DARS1: variants seen among roughly 807,000 people sequenced by gnomAD.
DARS1 encodes aspartate--tRNA ligase, cytoplasmic.
A neutral mutation model predicts 68.8 loss-of-function variants in DARS1; 51 were observed. The observed-to-expected ratio is 0.74, with a 90% CI of 0.59 to 0.94. The LOEUF (loss-of-function observed/expected upper bound fraction) is 0.94, where lower values mean the gene tolerates loss of function less well. Ranked by LOEUF, DARS1 falls within the 40% of genes least tolerant of loss-of-function variation. DARS1 has a pLI of 0.00. For synonymous variants in DARS1, 203 were observed against 190.4 expected, an observed-to-expected ratio of 1.07 and a Z score of -0.55; for missense variants, 607 against 597.3, an observed-to-expected ratio of 1.02 and a Z score of -0.17.
In DARS1 at chr2:135,983,434, A is replaced by G. The variant is rs751801480; in HGVS notation, c.87T>C (p.Tyr29=). The change falls in exon 2 of 16, where the codon TAT becomes TAC. Residue 29 remains tyrosine (Y), a synonymous_variant. Coordinates refer to ENST00000264161, the MANE Select transcript of DARS1 (RefSeq NM_001349.4). The part of the protein sequence containing the change: ...DAAEDYAKER[Y]GISSMIQSQE... Reference sequence around the variant, plus strand: ...GTGATTGTATCATTGAAGATATTCCATATCTCTCTTTAGCATAATCCTACA... The same window carrying G: ...GTGATTGTATCATTGAAGATATTCCGTATCTCTCTTTAGCATAATCCTACA... 9.0e-6 allele frequency: 11 copies of G among 1,218,360 alleles called. No homozygotes were observed. Among genetic ancestry groups the G allele is most frequent in the East Asian group, 4.7e-5 (2 of 42,650 alleles). The allele number at this position is 1,218,360 out of a possible 1,614,324, so 75.5% of individuals were successfully genotyped here.
chr2:135,942,956 A>G (rs1681638962), intron 5 of DARS1, among the ~76,000 whole-genome samples: 1 of 152,158 alleles, frequency 6.6e-6, no homozygotes. Context: ...GACGAGTGGA[A>G]TATTTAGCAG....
At chr2:135,969,960 T>C (rs1245256654) in intron 3 of DARS1, among the ~76,000 whole-genome samples, 1 of 152,224 alleles carries the variant, frequency 6.6e-6, no homozygotes, top group Non-Finnish European at 1.5e-5. Context: ...CCAAGGGCAC[T>C]GTAACTCATG....
At chr2:135,925,228 T>A (rs1222862716) in intron 7 of DARS1, among the ~76,000 whole-genome samples, 1 of 152,164 alleles carries the variant, frequency 6.6e-6, no homozygotes, top group African/African-American at 2.4e-5. Flanking sequence ...TTAGACTAAC[T>A]TTTGTCCACT....
chr2:135,917,619 G>A (rs1180451586), intron 10 of DARS1, among the ~76,000 whole-genome samples: 1 of 151,962 alleles, frequency 6.6e-6, no homozygotes, highest in Non-Finnish European at 1.5e-5. Context: ...TGGGACTACA[G>A]GTATGTGCCA....
intron 3 of DARS1, among the ~76,000 whole-genome samples, chr2:135,971,649 T>C (rs1025639925): frequency 1.3e-4 from 20 of 152,222 alleles, no homozygotes; most frequent in African/African-American, 4.8e-4. Context: ...AGAAGTAAAA[T>C]TATCCTTTTT....
rs756158353 is a variant in DARS1, at chr2:135,946,932, C to A, written c.321-3452G>T. ...GAGTAGCTGGGACTACAGGCAGGCA[C>A]CACCACGCCCGGCTAATTTCTGTAT... On this transcript the variant is annotated intron_variant, in intron 4 of 15. Coordinates refer to ENST00000264161, the MANE Select transcript of DARS1 (RefSeq NM_001349.4). Among the ~76,000 whole-genome samples, 5 of 152,116 alleles carry A rather than the reference C, an allele frequency of 3.3e-5. 1 individual carries two copies. The highest frequency in any genetic ancestry group is 6.5e-5 in the Admixed American group (1 of 15,272).
At chr2:135,933,873 C>T (rs775368631) in intron 6 of DARS1, 37 bp downstream of exon 6, 1 of 1,593,150 alleles carries the variant, frequency 6.3e-7, no homozygotes, top group Non-Finnish European at 8.6e-7. Flanking sequence ...ACTAAATATA[C>T]AGCGGAAGCA....
intron 5 of DARS1, among the ~76,000 whole-genome samples, chr2:135,942,548 A>C (rs990106984): frequency 2.0e-5 from 3 of 151,928 alleles, no homozygotes; most frequent in African/African-American, 7.3e-5. Flanking sequence ...AGATATACCT[A>C]ATGTAAATGA....
At chr2:135,985,659 G>A (rs915223931), upstream of DARS1, 12 of 1,392,882 alleles carry the variant, frequency 8.6e-6, no homozygotes, top group Admixed American at 2.4e-4. Flanking sequence ...AGATCCCGGA[G>A]CGCTGGCGGC....
intron 5 of DARS1, among the ~76,000 whole-genome samples, chr2:135,941,269 G>A (rs1298825926): frequency 6.6e-6 from 1 of 152,104 alleles, no homozygotes; most frequent in Middle Eastern, 3.2e-3. Flanking sequence ...TATACTACAA[G>A]GCTACAGTAA....
intron 14 of DARS1, 78 bp from the exon 15 acceptor site, chr2:135,911,288 T>C (rs1328563496): frequency 1.2e-6 from 1 of 865,304 alleles, no homozygotes; most frequent in African/African-American, 1.7e-5. Flanking sequence ...TACTGTTCAA[T>C]GGAGATTTTT....
intron 4 of DARS1, among the ~76,000 whole-genome samples, chr2:135,947,844 AC>A (rs1170316506): frequency 7.2e-5 from 11 of 152,124 alleles, no homozygotes; most frequent in African/African-American, 1.9e-4. Flanking sequence ...AAACAAAAAA[AC>A]AACAACAACT....
intron 4 of DARS1, among the ~76,000 whole-genome samples, chr2:135,944,517 T>C (rs1681676374): frequency 1.3e-5 from 2 of 152,002 alleles, no homozygotes; most frequent in African/African-American, 4.8e-5. Flanking sequence ...AGAAAGAAAA[T>C]TGTTTATGTC....
At chr2:135,946,650 G>C (rs1367717360) in intron 4 of DARS1, among the ~76,000 whole-genome samples, 1 of 152,006 alleles carries the variant, frequency 6.6e-6, no homozygotes, top group South Asian at 2.1e-4. Context: ...GAAAATCAAG[G>C]GTGAAGGTAT....
At chr2:135,968,189 G>A (rs572456739) in intron 3 of DARS1, among the ~76,000 whole-genome samples, 18 of 152,190 alleles carry the variant, frequency 1.2e-4, no homozygotes, top group African/African-American at 3.9e-4. Flanking sequence ...ACTTGAACCC[G>A]GCAGGTGGAG....
At chr2:135,935,084 C>T (rs1248482442) in intron 5 of DARS1, among the ~76,000 whole-genome samples, 8 of 152,118 alleles carry the variant, frequency 5.3e-5, no homozygotes, top group Non-Finnish European at 8.8e-5. Flanking sequence ...CCACCACGCC[C>T]GGCCATCTTG....
intron 5 of DARS1, among the ~76,000 whole-genome samples, chr2:135,937,609 G>GT (rs1681498795): frequency 6.6e-6 from 1 of 152,170 alleles, no homozygotes; most frequent in African/African-American, 2.4e-5. Context: ...AATTTGGCAT[G>GT]TTTTTGCAGT....
intron 4 of DARS1, 92 bp from the exon 5 acceptor site, chr2:135,943,572 C>G: frequency 6.6e-7 from 1 of 1,524,700 alleles, no homozygotes; most frequent in African/African-American, 1.4e-5. Flanking sequence ...ATATGTTAAA[C>G]TCTTTTTTAA....
chr2:135,980,064 G>A (rs1443058807), intron 2 of DARS1, among the ~76,000 whole-genome samples: 1 of 152,216 alleles, frequency 6.6e-6, no homozygotes, highest in Admixed American at 6.5e-5. Flanking sequence ...AAGCTGGAGA[G>A]AGAAAGGCCT....
Sources: allele counts gnomAD v4.1 joint callset (sites outside exome capture counted in the v4.1 genomes callset), GRCh38; gene constraint gnomAD v4.1.1; transcripts MANE v1.5; gene names NCBI Gene and HGNC (gene_info 2026-07-23, HGNC 2026-07-21).